Variants in GIMAP2 observed in about 807,000 individuals in gnomAD.
GIMAP2 encodes GTPase IMAP family member 2.
In GIMAP2, 22 loss-of-function variants were observed where a neutral mutation model predicts 25.5. The ratio of observed to expected loss-of-function variants is 0.86; its 90% confidence interval spans 0.62 to 1.23. The LOEUF (loss-of-function observed/expected upper bound fraction) is 1.23, where lower values mean the gene tolerates loss of function less well. Ranked by LOEUF, GIMAP2 falls within the 50% of genes most tolerant of loss-of-function variation. The pLI, the probability that GIMAP2 is intolerant of heterozygous loss-of-function variation, is 0.00. For synonymous variants in GIMAP2, 167 were observed against 143.0 expected (o/e 1.17, Z -1.20); for missense variants, 422 against 395.7 (o/e 1.07, Z -0.56).
In GIMAP2 at chr7:150,692,149, C is replaced by T. The variant is rs539500581; in HGVS notation, c.29-166C>T. ...CTGAGGCAGGAGAATGGCGTGAACC[C>T]GGGAGGTGGAGCTTGCAGTGACCCG... On this transcript the variant is annotated intron_variant, in intron 2 of 2. Transcript: ENST00000223293. Among the ~76,000 whole-genome samples, 6 of 151,782 alleles carry T rather than the reference C, an allele frequency of 4.0e-5. 1 individual carries two copies. In the East Asian group the frequency reaches 7.8e-4, roughly 20 times the overall value.
intron 2 of GIMAP2, among the ~76,000 whole-genome samples, chr7:150,691,460 T>C (rs1312885558): frequency 6.6e-6 from 1 of 152,246 alleles, no homozygotes; most frequent in African/African-American, 2.4e-5. Context: ...GTGACTATTT[T>C]ATACCAAAAT....
intron 2 of GIMAP2, among the ~76,000 whole-genome samples, chr7:150,690,345 C>A (rs180714914): frequency 4.2e-4 from 64 of 152,280 alleles, no homozygotes; most frequent in Admixed American, 6.5e-4. Flanking sequence ...GTCCCTCTGG[C>A]AAGCGAAGTT....
At chr7:150,688,422 C>T (rs899565627) in intron 2 of GIMAP2, among the ~76,000 whole-genome samples, 5 of 152,182 alleles carry the variant, frequency 3.3e-5, no homozygotes, top group Admixed American at 2.0e-4. Flanking sequence ...TGAGCCACCA[C>T]GCCCGGCCAC....
At position 150,686,141 on chromosome 7, in the gene GIMAP2, G is replaced by C. The variant is rs578261665; in HGVS notation, c.-9+356G>C. On this transcript the variant is annotated intron_variant, in intron 1 of 2. Transcript: ENST00000223293. ...ACGTACCGATATTTCTCACTCCATA[G>C]TAGTTCCTACATTGCAAGGGCTTCA... Among the ~76,000 whole-genome samples the C allele has an allele frequency of 4.3e-4, 65 of 152,300 alleles. 2 individuals carry two copies. The South Asian group carries it at 0.013, about 31-fold the overall frequency.
rs138698173 is a variant in GIMAP2 at position 150,686,431 on chromosome 7, A to AAG, written c.-8-618_-8-617dup. ...CCTACAGAGAAAGCTGACAGAAGCG[A>AAG]AGAGTGTGCAGGCAAAACAAAAACA... On this transcript the variant is annotated intron_variant, in intron 1 of 2. Coordinates refer to ENST00000223293, the MANE Select transcript of GIMAP2 (RefSeq NM_015660.3). Among the ~76,000 whole-genome samples, 798 of 152,250 alleles carry AAG rather than the reference A, an allele frequency of 5.2e-3. 8 individuals carry two copies. Among genetic ancestry groups the AAG allele is most frequent in the East Asian group, 0.026 (134 of 5,172 alleles).
intron 2 of GIMAP2, among the ~76,000 whole-genome samples, chr7:150,691,088 G>C (rs1252099120): frequency 6.6e-6 from 1 of 152,158 alleles, no homozygotes; most frequent in Non-Finnish European, 1.5e-5. Flanking sequence ...CTGTTATCAT[G>C]GTATTCCGTT....
chr7:150,687,337 A>T, intron 2 of GIMAP2: 1 of 371,120 alleles, frequency 2.7e-6, no homozygotes, highest in Non-Finnish European at 4.9e-6. Flanking sequence ...CAGTGGCGCA[A>T]TCTCGGCTCA....
intron 1 of GIMAP2, among the ~76,000 whole-genome samples, chr7:150,686,769 C>A (rs1364577132): frequency 6.6e-6 from 1 of 151,542 alleles, no homozygotes; most frequent in Non-Finnish European, 1.5e-5. Context: ...CATGGTGAAA[C>A]CCTGTCTCTA....
intron 2 of GIMAP2, among the ~76,000 whole-genome samples, chr7:150,690,801 C>T (rs1796958518): frequency 6.6e-6 from 1 of 152,140 alleles, no homozygotes; most frequent in Admixed American, 6.5e-5. Flanking sequence ...ATCAGTTGTC[C>T]AAGATCATAT....
chr7:150,687,716 T>TC (rs1208186097), intron 2 of GIMAP2, among the ~76,000 whole-genome samples: 1 of 146,454 alleles, frequency 6.8e-6, no homozygotes, highest in African/African-American at 2.6e-5. Context: ...CCATAGGTTC[T>TC]TTGTGTGTGT....
chr7:150,693,192 CTT>C lies in GIMAP2; in HGVS notation c.908_909del (p.Phe303Ter). ...TGTGCAATTTGTTTTGTTGCTTACT[CTT>C]TAGTATGTGCAATTTATTCTGCAGT... ...SMCNLFCCLL[F>X]SMCNLFCSLL... On this transcript the variant is annotated frameshift_variant, in exon 3 of 3. Coordinates refer to ENST00000223293, the MANE Select transcript of GIMAP2 (RefSeq NM_015660.3). LOFTEE classifies it high-confidence loss of function. 2 of 1,612,428 alleles carry C rather than the reference CTT, an allele frequency of 1.2e-6. No individual in the cohort carries two copies. Among genetic ancestry groups the C allele is most frequent in the Non-Finnish European group, 1.7e-6 (2 of 1,179,048 alleles).
At chr7:150,689,211 A>G (rs559830652) in intron 2 of GIMAP2, among the ~76,000 whole-genome samples, 2 of 152,244 alleles carry the variant, frequency 1.3e-5, no homozygotes, top group South Asian at 4.1e-4. Context: ...TTGCTCAAGA[A>G]TTCTCTTCAC....
At chr7:150,687,161 T>A in intron 2 of GIMAP2, 74 bp downstream of exon 2, 1 of 1,250,288 alleles carries the variant, frequency 8.0e-7, no homozygotes, top group Non-Finnish European at 1.2e-6. Context: ...TGTGTTTGGC[T>A]CTTCTGATGA....
chr7:150,690,727 A>G (rs924700028), intron 2 of GIMAP2, among the ~76,000 whole-genome samples: 1 of 152,180 alleles, frequency 6.6e-6, no homozygotes, highest in African/African-American at 2.4e-5. Flanking sequence ...ATATTAACTT[A>G]TTTAGTCATT....
chr7:150,692,218 C>A (rs1337499234), intron 2 of GIMAP2, 97 bp from the exon 3 acceptor site: 7 of 1,190,454 alleles, frequency 5.9e-6, no homozygotes, highest in Non-Finnish European at 8.1e-6. Flanking sequence ...GAGCGAGACT[C>A]CGTCTCAAAA....
At chr7:150,687,020 A>G (rs1310465372) in intron 1 of GIMAP2, 32 bp from the exon 2 acceptor site, 1 of 1,516,202 alleles carries the variant, frequency 6.6e-7, no homozygotes, top group East Asian at 2.3e-5. Context: ...TTTAGAACTG[A>G]AAAATAAGTT....
intron 1 of GIMAP2, among the ~76,000 whole-genome samples, 172 bp downstream of exon 1, chr7:150,685,957 T>C (rs1291613992): frequency 6.6e-6 from 1 of 152,200 alleles, no homozygotes; most frequent in Non-Finnish European, 1.5e-5. Flanking sequence ...GTAATTTACT[T>C]TACACATTAC....
chr7:150,693,159 G>A lies in GIMAP2; in HGVS notation c.873G>A (p.Leu291=), dbSNP rs1370475500. ...LRLIILWLCI[L]HSMCNLFCCL... is the part of the protein sequence containing the mutation. Reference sequence around the variant, plus strand: ...TGATAATTCTGTGGCTTTGCATACTGCACAGCATGTGCAATTTGTTTTGTT... The same window carrying A: ...TGATAATTCTGTGGCTTTGCATACTACACAGCATGTGCAATTTGTTTTGTT... Residue 291 remains leucine, a synonymous_variant, in exon 3 of 3, where the codon CTG becomes CTA. Transcript: ENST00000223293. 1 of 1,613,474 alleles carries A rather than the reference G, an allele frequency of 6.2e-7. No individual in the cohort carries two copies. The highest frequency in any genetic ancestry group is 8.5e-7 in the Non-Finnish European group (1 of 1,179,524).
chr7:150,693,131 G>A lies in GIMAP2; in HGVS notation c.845G>A (p.Arg282Lys). ...TTATTTTGTATTCAGTTGTTTCTCA[G>A]ATTGATAATTCTGTGGCTTTGCATA... ...CVLFCIQLFL[R>K]LIILWLCILH... Residue 282 changes from arginine (R) to lysine (K), a missense_variant, in exon 3 of 3, where the codon AGA becomes AAA. Physicochemically the swap from Arg to Lys is conservative, Grantham distance 26. Coordinates refer to ENST00000223293, the MANE Select transcript of GIMAP2 (RefSeq NM_015660.3). 1 of 1,613,806 alleles carries A rather than the reference G, an allele frequency of 6.2e-7. No homozygotes were observed. Among genetic ancestry groups the A allele is most frequent in the Non-Finnish European group, 8.5e-7 (1 of 1,179,734 alleles).
Sources: allele counts gnomAD v4.1 joint callset (sites outside exome capture counted in the v4.1 genomes callset), GRCh38; gene constraint gnomAD v4.1.1; transcripts MANE v1.5; gene names NCBI Gene and HGNC (gene_info 2026-07-23, HGNC 2026-07-21).